Variants in YES1 observed in about 807,000 individuals in gnomAD.
YES1 encodes the protein YES proto-oncogene 1, Src family tyrosine kinase.
A neutral mutation model predicts 70.4 loss-of-function variants in YES1; 39 were observed. The ratio of observed to expected loss-of-function variants is 0.55; its 90% CI spans 0.43 to 0.72. The LOEUF is 0.72. Ranked by LOEUF, YES1 falls within the 30% of genes least tolerant of loss-of-function variation. The pLI is 0.00. For synonymous variants in YES1, 198 were observed against 218.6 expected (o/e 0.91, Z 0.83); for missense variants, 495 against 644.8 (o/e 0.77, Z 2.52).
rs371428140 is a variant in YES1, at chr18:757,328, C to T, written c.-8-493G>A. Among the ~76,000 whole-genome samples, 56 of 150,920 alleles carry T rather than the reference C, an allele frequency of 3.7e-4. 1 individual carries two copies. Among genetic ancestry groups the T allele is most frequent in the South Asian group, 1.0e-3 (5 of 4,776 alleles). ...ACCATCCTGGCTAACACGGTGAAAC[C>T]CCGCCTCTACTAAAAATGCAAAAAA... On this transcript the variant is annotated intron_variant, in intron 1 of 11. Transcript: ENST00000314574.
intron 8 of YES1, among the ~76,000 whole-genome samples, chr18:740,195 T>TA (rs1353196352): frequency 2.6e-5 from 4 of 152,110 alleles, no homozygotes; most frequent in African/African-American, 7.2e-5. Flanking sequence ...TAAATATAGG[T>TA]AGCTAAATGA....
intron 9 of YES1, chr18:738,177 T>C (rs931238070): frequency 2.6e-5 from 4 of 152,122 alleles, no homozygotes; most frequent in African/African-American, 9.7e-5. Flanking sequence ...CTTTTCTGAA[T>C]TGTCAGATTC....
intron 1 of YES1, among the ~76,000 whole-genome samples, chr18:770,077 A>T (rs1905084958): frequency 6.6e-6 from 1 of 151,498 alleles, no homozygotes; most frequent in African/African-American, 2.4e-5. Context: ...CTCCTGCCTC[A>T]GCCTCCCAAG....
chr18:807,038 G>A (rs963914382), intron 1 of YES1, among the ~76,000 whole-genome samples: 2 of 152,228 alleles, frequency 1.3e-5, no homozygotes, highest in Non-Finnish European at 2.9e-5. Context: ...GGGAGGCCCA[G>A]GCAGGTGGAC....
chr18:794,346 T>C (rs1160613398), intron 1 of YES1, among the ~76,000 whole-genome samples: 3 of 152,164 alleles, frequency 2.0e-5, no homozygotes, highest in East Asian at 3.8e-4. Context: ...AGTCTAACTT[T>C]TAAAAATATC....
At chr18:737,564 G>C (rs1355122402) in intron 9 of YES1, 1 of 152,242 alleles carries the variant, frequency 6.6e-6, no homozygotes, top group East Asian at 1.9e-4. Context: ...AGTACCTCTG[G>C]ATACAAGCTC....
At chr18:729,276 G>A (rs191278817) in intron 11 of YES1, among the ~76,000 whole-genome samples, 5 of 152,126 alleles carry the variant, frequency 3.3e-5, no homozygotes, top group African/African-American at 7.2e-5. Flanking sequence ...AGGGCCAGGC[G>A]GGGTGGCTCA....
At position 795,912 on chromosome 18, in the gene YES1, A is replaced by AACACACACACACACACACACAC. The variant is rs72204539; in HGVS notation, c.-9+16180_-9+16201dup. On this transcript the variant is annotated intron_variant, in intron 1 of 11. Transcript: ENST00000314574. Reference sequence around the variant, plus strand: ...TTCAGCACATGTATCCCAGAACTTAAACACACACACACACACACACACACA... The same window carrying AACACACACACACACACACACAC: ...TTCAGCACATGTATCCCAGAACTTAAACACACACACACACACACACACACACACACACACACACACACACACA... Among the ~76,000 whole-genome samples the AACACACACACACACACACACAC allele has an allele frequency of 8.9e-4, 129 of 144,686 alleles. 1 individual carries two copies. The Middle Eastern group carries it at 0.01, about 12-fold the overall frequency. 94.9% of individuals were successfully genotyped at this position (144,686 alleles called of 152,430 possible). A position where few individuals can be genotyped will look rare whatever the true frequency, so the allele number is the denominator to read the frequency against.
At chr18:729,254 A>G (rs1248460156) in intron 11 of YES1, among the ~76,000 whole-genome samples, 1 of 151,936 alleles carries the variant, frequency 6.6e-6, no homozygotes, top group African/African-American at 2.4e-5. Context: ...ACAGTTCTAA[A>G]ATTTCCATTT....
intron 1 of YES1, among the ~76,000 whole-genome samples, chr18:803,508 C>A (rs932257306): frequency 1.3e-5 from 2 of 152,166 alleles, no homozygotes; most frequent in African/African-American, 4.8e-5. Context: ...TTATTACCCC[C>A]AATCTTTTGA....
rs2079985356 is a variant in YES1, at chr18:723,661, A to G, written c.*763T>C. ...TAGTTTCAATTATATATTGCCTTAA[A>G]AAATCAATGCAACCTCATACAAGAT... On this transcript the variant is annotated 3_prime_UTR_variant, in exon 12 of 12. Transcript: ENST00000314574. 6.5e-6 allele frequency: 1 copy of G among 152,710 alleles called. No individual in the cohort carries two copies. The highest frequency in any genetic ancestry group is 2.1e-4 in the South Asian group (1 of 4,836). 9.5% of individuals were successfully genotyped at this position (152,710 alleles called of 1,614,324 possible).
intron 1 of YES1, among the ~76,000 whole-genome samples, chr18:783,348 G>C (rs1299192677): frequency 2.6e-5 from 4 of 151,854 alleles, no homozygotes; most frequent in Non-Finnish European, 4.4e-5. Flanking sequence ...TCAAAATCTT[G>C]TTCCAAACTG....
At chr18:776,117 G>C (rs991978797) in intron 1 of YES1, among the ~76,000 whole-genome samples, 1 of 152,158 alleles carries the variant, frequency 6.6e-6, no homozygotes, top group Non-Finnish European at 1.5e-5. Flanking sequence ...GTTTTCCAGA[G>C]TAGCTATAGC....
At chr18:786,496 T>TACACACACACACACACACACACAC (rs56410052) in intron 1 of YES1, among the ~76,000 whole-genome samples, 1 of 139,438 alleles carries the variant, frequency 7.2e-6, no homozygotes, top group East Asian at 2.1e-4. Flanking sequence ...AATAAGTCCA[T>TACACACACACACACACACACACAC]ACACACACAC....
chr18:793,785 T>C (rs543745446), intron 1 of YES1, among the ~76,000 whole-genome samples: 4 of 152,266 alleles, frequency 2.6e-5, no homozygotes, highest in South Asian at 2.1e-4. Context: ...CAACAAATGA[T>C]AGGGATCTAT....
intron 1 of YES1, among the ~76,000 whole-genome samples, chr18:770,322 T>C (rs1449692719): frequency 6.6e-6 from 1 of 151,338 alleles, no homozygotes; most frequent in Admixed American, 6.6e-5. Flanking sequence ...CGTCCTTCAA[T>C]GTGAGTGATC....
At chr18:771,978 AC>A (rs1171475472) in intron 1 of YES1, among the ~76,000 whole-genome samples, 1 of 152,022 alleles carries the variant, frequency 6.6e-6, no homozygotes, top group Non-Finnish European at 1.5e-5. Context: ...CAAGAATTTC[AC>A]ATAAAAATCA....
chr18:736,526 T>C (rs2080155412), intron 10 of YES1: 1 of 226,490 alleles, frequency 4.4e-6, no homozygotes, highest in African/African-American at 2.3e-5. Context: ...CTGGCCTTTC[T>C]AGGAAAGAAA....
chr18:743,980 ATATAT>A (rs931058468), intron 6 of YES1, among the ~76,000 whole-genome samples: 3 of 149,532 alleles, frequency 2.0e-5, no homozygotes, highest in South Asian at 2.1e-4. Context: ...TATATAGTAA[ATATAT>A]TGTATTTACT....
Sources: gnomAD v4.1 joint callset for allele counts (sites outside exome capture counted in the v4.1 genomes callset) on GRCh38, gnomAD v4.1.1 for gene constraint, MANE v1.5 for transcripts, NCBI Gene and HGNC (gene_info 2026-07-23, HGNC 2026-07-21) for gene names.